Variants in FBXO36 observed in about 807,000 individuals in gnomAD.
FBXO36 encodes F-box protein 36.
A neutral mutation model predicts 17.0 loss-of-function variants in FBXO36; 18 were observed. The ratio of observed to expected loss-of-function variants is 1.06; its 90% CI spans 0.73 to 1.57. The LOEUF (loss-of-function observed/expected upper bound fraction) is 1.57, where lower values mean the gene tolerates loss of function less well. Ranked by LOEUF, FBXO36 falls within the 40% of genes most tolerant of loss-of-function variation. The pLI, the probability that FBXO36 is intolerant of heterozygous loss-of-function variation, is 0.00. For missense variants in FBXO36, 229 were observed against 221.9 expected (o/e 1.03, Z -0.20); for synonymous variants, 83 against 85.3 (o/e 0.97, Z 0.15).
intron 1 of FBXO36, among the ~76,000 whole-genome samples, chr2:229,948,680 A>G (rs1028877789): frequency 2.6e-5 from 4 of 152,104 alleles, no homozygotes; most frequent in African/African-American, 9.7e-5. Context: ...CCTCCTTCCT[A>G]CTGTCTAGAA....
intron 2 of FBXO36, among the ~76,000 whole-genome samples, chr2:229,984,069 G>T (rs2077254504): frequency 6.6e-6 from 1 of 152,136 alleles, no homozygotes; most frequent in African/African-American, 2.4e-5. Flanking sequence ...ATAAAATCAG[G>T]TTGGGCGCGG....
chr2:230,004,839 T>G (rs1337250268), intron 3 of FBXO36, among the ~76,000 whole-genome samples: 1 of 152,040 alleles, frequency 6.6e-6, no homozygotes, highest in South Asian at 2.1e-4. Flanking sequence ...AAACCTCGTC[T>G]CTACTAAAAA....
chr2:229,971,193 A>C (rs2077178282), intron 1 of FBXO36, among the ~76,000 whole-genome samples: 1 of 152,020 alleles, frequency 6.6e-6, no homozygotes, highest in African/African-American at 2.4e-5. Flanking sequence ...GTCTCTACTA[A>C]AAATATAAAA....
intron 1 of FBXO36, among the ~76,000 whole-genome samples, chr2:229,959,320 C>T (rs563135783): frequency 6.6e-6 from 1 of 152,202 alleles, no homozygotes; most frequent in African/African-American, 2.4e-5. Context: ...AGCATGGCCT[C>T]CCTCATTTTC....
chr2:229,978,968 G>A (rs2077224117), intron 2 of FBXO36, among the ~76,000 whole-genome samples: 1 of 152,026 alleles, frequency 6.6e-6, no homozygotes, highest in Non-Finnish European at 1.5e-5. Flanking sequence ...CCTGAGGTCA[G>A]GAGTTTGAGA....
intron 2 of FBXO36, among the ~76,000 whole-genome samples, chr2:229,989,852 C>T (rs1345126404): frequency 2.0e-5 from 3 of 151,916 alleles, no homozygotes; most frequent in Admixed American, 6.6e-5. Flanking sequence ...GGATTACAGG[C>T]GTGAGCCACC....
intron 1 of FBXO36, chr2:229,939,392 A>G: frequency 2.2e-6 from 1 of 456,938 alleles, no homozygotes; most frequent in East Asian, 1.6e-4. Context: ...TCTCTTCAGC[A>G]TTTTTTGAAA....
chr2:229,996,952 A>G (rs2077330897), intron 3 of FBXO36, 29 bp downstream of exon 3: 3 of 1,580,766 alleles, frequency 1.9e-6, no homozygotes, highest in Non-Finnish European at 2.6e-6. Flanking sequence ...ATGTCTATAT[A>G]GAATTTTCCA....
intron 1 of FBXO36, among the ~76,000 whole-genome samples, chr2:229,963,696 G>A (rs1014609853): frequency 1.5e-4 from 23 of 152,076 alleles, no homozygotes; most frequent in African/African-American, 5.1e-4. Flanking sequence ...TACCCGCCTC[G>A]GCCTCCCAAA....
At chr2:229,952,171 A>G (rs2077061027) in intron 1 of FBXO36, among the ~76,000 whole-genome samples, 1 of 152,186 alleles carries the variant, frequency 6.6e-6, no homozygotes, top group Non-Finnish European at 1.5e-5. Flanking sequence ...TGCAGGCCAA[A>G]CAACTTCAGG....
intron 1 of FBXO36, among the ~76,000 whole-genome samples, chr2:229,936,975 A>G (rs541280501): frequency 4.6e-5 from 7 of 152,328 alleles, no homozygotes; most frequent in East Asian, 1.9e-4. Flanking sequence ...AGCTGATCAT[A>G]AATCTATTCT....
intron 1 of FBXO36, among the ~76,000 whole-genome samples, chr2:229,964,542 C>T (rs940515308): frequency 1.3e-5 from 2 of 152,324 alleles, no homozygotes; most frequent in East Asian, 1.9e-4. Context: ...GTTTTTGAGA[C>T]GGAGTCTCGC....
intron 1 of FBXO36, among the ~76,000 whole-genome samples, chr2:229,959,860 T>C (rs1274092914): frequency 1.3e-5 from 2 of 151,488 alleles, no homozygotes; most frequent in African/African-American, 4.8e-5. Flanking sequence ...AAAAAAAGAA[T>C]ACTGCCAAAG....
intron 1 of FBXO36, among the ~76,000 whole-genome samples, chr2:229,938,983 G>A (rs569820160): frequency 6.6e-6 from 1 of 151,724 alleles, no homozygotes; most frequent in African/African-American, 2.4e-5. Flanking sequence ...GATGGCTCGA[G>A]CCACCGCGCC....
At chr2:229,981,205 A>G (rs189538928) in intron 2 of FBXO36, among the ~76,000 whole-genome samples, 27 of 152,218 alleles carry the variant, frequency 1.8e-4, no homozygotes, top group African/African-American at 6.0e-4. Context: ...GGCCTGATAC[A>G]AAGTCAGGCG....
intron 1 of FBXO36, among the ~76,000 whole-genome samples, chr2:229,944,200 A>G (rs2077014506): frequency 6.6e-6 from 1 of 152,174 alleles, no homozygotes; most frequent in Admixed American, 6.5e-5. Context: ...ACAGGCTAAT[A>G]CACCACCCTT....
chr2:229,957,580 C>T (rs560304), intron 1 of FBXO36, among the ~76,000 whole-genome samples: 95,484 of 151,984 alleles, frequency 0.63, 30,492 homozygotes, highest in East Asian at 0.76. Context: ...GTCTCCAAAA[C>T]GATACAAAAC....
chr2:229,941,517 G>A (rs1314828227), intron 1 of FBXO36, among the ~76,000 whole-genome samples: 1 of 151,992 alleles, frequency 6.6e-6, no homozygotes, highest in Middle Eastern at 3.2e-3. Context: ...GCTGTGGGGA[G>A]TAGCTTCAGG....
chr2:230,006,568 C>T (rs561082500), intron 3 of FBXO36, among the ~76,000 whole-genome samples: 1 of 152,266 alleles, frequency 6.6e-6, no homozygotes, highest in South Asian at 2.1e-4. Flanking sequence ...GGGCCGGACA[C>T]AGTGGTAGGT....
Sources: allele counts gnomAD v4.1 joint callset (sites outside exome capture counted in the v4.1 genomes callset), GRCh38; gene constraint gnomAD v4.1.1; transcripts MANE v1.5; gene names NCBI Gene and HGNC (gene_info 2026-07-23, HGNC 2026-07-21).